Variants in UBR3 observed in about 807,000 individuals in gnomAD.
UBR3 encodes E3 ubiquitin-protein ligase UBR3.
In UBR3, 85 loss-of-function variants were observed where a neutral mutation model predicts 243.2. The observed-to-expected ratio is 0.35, with a 90% CI of 0.29 to 0.42. The LOEUF (loss-of-function observed/expected upper bound fraction) is 0.42. Among genes scored for constraint, UBR3 ranks in the 10% least tolerant of loss-of-function variants. The pLI, the probability that UBR3 is intolerant of heterozygous loss-of-function variation, is 1.00. For missense variants in UBR3, 1,686 were observed against 2,300.8 expected (o/e 0.73, Z 5.47); for synonymous variants, 748 against 799.8 (o/e 0.94, Z 1.09).
At chr2:169,878,707 T>C in intron 5 of UBR3, 133 bp downstream of exon 5, 1 of 835,228 alleles carries the variant, frequency 1.2e-6, no homozygotes, top group Middle Eastern at 3.7e-4. Flanking sequence ...AGTTTCTCAT[T>C]CTATAGACAA....
intron 24 of UBR3, among the ~76,000 whole-genome samples, chr2:169,968,499 C>A (rs2087931508): frequency 6.6e-6 from 1 of 152,162 alleles, no homozygotes; most frequent in Non-Finnish European, 1.5e-5. Context: ...ACTTCCAGTT[C>A]CATCCATGTT....
intron 3 of UBR3, 88 bp downstream of exon 3, chr2:169,876,037 G>A (rs2083591319): frequency 1.0e-6 from 1 of 1,002,438 alleles, no homozygotes. Context: ...AAGGTAAATT[G>A]TAGAATTTTC....
intron 24 of UBR3, among the ~76,000 whole-genome samples, chr2:169,974,023 C>T (rs1267624249): frequency 6.6e-6 from 1 of 152,150 alleles, no homozygotes; most frequent in African/African-American, 2.4e-5. Context: ...TTTAACAATT[C>T]TTGCATCCTT....
At chr2:169,922,601 C>CA (rs2085748386) in intron 11 of UBR3, among the ~76,000 whole-genome samples, 1 of 152,140 alleles carries the variant, frequency 6.6e-6, no homozygotes, top group Non-Finnish European at 1.5e-5. Flanking sequence ...AGCTACTCCC[C>CA]ATTTCCTCTT....
At chr2:169,869,196 G>T (rs1454526862) in intron 1 of UBR3, among the ~76,000 whole-genome samples, 1 of 141,844 alleles carries the variant, frequency 7.1e-6, no homozygotes, top group Non-Finnish European at 1.5e-5. Context: ...TAAACTTCTG[G>T]TGATGCTAAG....
intron 26 of UBR3, among the ~76,000 whole-genome samples, chr2:169,995,711 GAAGT>G (rs2089454116): frequency 6.6e-6 from 1 of 152,138 alleles, no homozygotes; most frequent in South Asian, 2.1e-4. Flanking sequence ...TTTAAAATGT[GAAGT>G]AAGGATGGAT....
intron 32 of UBR3, among the ~76,000 whole-genome samples, chr2:170,051,640 C>A (rs1016407672): frequency 1.3e-5 from 2 of 152,098 alleles, no homozygotes; most frequent in Non-Finnish European, 2.9e-5. Flanking sequence ...CCACCGCGCC[C>A]GGCCACATCA....
chr2:170,001,262 T>G, intron 26 of UBR3, 42 bp from the exon 27 acceptor site: 1 of 1,371,044 alleles, frequency 7.3e-7, no homozygotes, highest in Non-Finnish European at 1.0e-6. Flanking sequence ...ATGTTTGTAC[T>G]TCTTTAAAAT....
chr2:170,072,912 G>C (rs1411512952), intron 35 of UBR3, among the ~76,000 whole-genome samples: 1 of 152,040 alleles, frequency 6.6e-6, no homozygotes, highest in African/African-American at 2.4e-5. Flanking sequence ...ACTTTTATTA[G>C]CAAATAGAGC....
chr2:170,015,074 G>T (rs2090195348), intron 29 of UBR3: 18 of 407,534 alleles, frequency 4.4e-5, no homozygotes, highest in Non-Finnish European at 5.3e-5. Flanking sequence ...GTGTAAATAT[G>T]AACATATAAG....
At position 170,080,688 on chromosome 2, in the gene UBR3, A is replaced by G; in HGVS notation, c.5549+4A>G. The G allele has an allele frequency of 6.2e-7, 1 of 1,613,562 alleles. No individual in the cohort carries two copies. Among genetic ancestry groups the G allele is most frequent in the Non-Finnish European group, 8.5e-7 (1 of 1,179,738 alleles). The stretch of plus-strand genomic sequence containing the variant: ...GAGAGGAAGACCGGGATCTTAGGTT[A>G]GATGTTCATGGATATATCCAGGTGT... On this transcript the variant is annotated splice_donor_region_variant and intron_variant, in intron 38 of 38. Transcript: ENST00000272793.
intron 24 of UBR3, among the ~76,000 whole-genome samples, chr2:169,976,245 C>T (rs2088436022): frequency 1.3e-5 from 2 of 150,622 alleles, no homozygotes; most frequent in South Asian, 2.1e-4. Context: ...TCCTTTGTTC[C>T]TTTCTTCCTC....
At chr2:169,843,051 A>G (rs907892085) in intron 1 of UBR3, among the ~76,000 whole-genome samples, 2 of 152,172 alleles carry the variant, frequency 1.3e-5, no homozygotes, top group African/African-American at 4.8e-5. Flanking sequence ...CTTTTATGGC[A>G]ATCTAAGCTT....
chr2:169,876,908 T>G (rs2083641039), intron 3 of UBR3, among the ~76,000 whole-genome samples: 1 of 152,126 alleles, frequency 6.6e-6, no homozygotes, highest in Admixed American at 6.6e-5. Context: ...TGATCCCCTT[T>G]CTTTAACAGT....
intron 1 of UBR3, among the ~76,000 whole-genome samples, chr2:169,856,916 A>G (rs1457146467): frequency 6.6e-6 from 1 of 152,002 alleles, no homozygotes; most frequent in Non-Finnish European, 1.5e-5. Context: ...GTCTTTGCAA[A>G]TATGATAGGT....
rs1477601333 is a variant in UBR3 at position 169,882,370 on chromosome 2, AATATATATTATATAT to A, written c.1038+3798_1038+3812del. 5.0e-5 allele frequency among the ~76,000 whole-genome samples: 7 copies of A among 141,160 alleles called. No individual in the cohort carries two copies. The East Asian group carries it at 8.0e-4, about 16-fold the overall frequency. 92.6% of individuals were successfully genotyped at this position (141,160 alleles called of 152,430 possible). On this transcript the variant is annotated intron_variant, in intron 5 of 38. Transcript: ENST00000272793. ...TATGTAAATATATATTATATATGTA[AATATATATTATATAT>A]AAAAATATATATATATAAAATAAGG...
chr2:169,878,361 C>CA (rs34505529), intron 4 of UBR3, among the ~76,000 whole-genome samples, 164 bp from the exon 5 acceptor site: 58,071 of 118,356 alleles, frequency 0.49, 13,403 homozygotes, highest in Non-Finnish European at 0.58. Flanking sequence ...AATCCCGTCT[C>CA]AAAAAAAAAA....
At chr2:169,937,327 A>T (rs1014878191) in intron 19 of UBR3, among the ~76,000 whole-genome samples, 7 of 152,168 alleles carry the variant, frequency 4.6e-5, no homozygotes, top group African/African-American at 1.7e-4. Flanking sequence ...GTCTGTTCGT[A>T]TCCTTCGCCC....
At chr2:169,994,543 G>A in intron 26 of UBR3, 87 bp downstream of exon 26, 1 of 1,417,208 alleles carries the variant, frequency 7.1e-7, no homozygotes, top group Non-Finnish European at 9.6e-7. Flanking sequence ...TACCAAAATG[G>A]CATTCTGATG....
Sources: gnomAD v4.1 joint callset for allele counts (sites outside exome capture counted in the v4.1 genomes callset) on GRCh38, gnomAD v4.1.1 for gene constraint, MANE v1.5 for transcripts, NCBI Gene and HGNC (gene_info 2026-07-23, HGNC 2026-07-21) for gene names.